The following ZNF487 variants were observed in gnomAD, a reference collection of about 807,000 sequenced individuals.
ZNF487 encodes the protein KRAB domain only 1.
In ZNF487, 4 loss-of-function variants were observed where a neutral mutation model predicts 3.0. That is an observed-to-expected ratio of 1.35 (90% confidence interval 0.66 to 3.08). ZNF487 has a LOEUF of 3.08. Among genes scored for constraint, ZNF487 ranks in the 30% most tolerant of loss-of-function variants. ZNF487 has a pLI of 0.01. For missense variants in ZNF487, 146 were observed against 98.7 expected (o/e 1.48, Z -2.03); for synonymous variants, 55 against 34.6 (o/e 1.59, Z -2.06).
At chr10:43,458,885 C>T (rs1840317188) in intron 1 of ZNF487, among the ~76,000 whole-genome samples, 1 of 152,054 alleles carries the variant, frequency 6.6e-6, no homozygotes, top group Admixed American at 6.6e-5. Flanking sequence ...ATTATGTCAC[C>T]TTCAGATACA....
the ZNF487 span, among the ~76,000 whole-genome samples, chr10:43,497,549 C>G: frequency 2.0e-5 from 3 of 152,190 alleles, no homozygotes; most frequent in Non-Finnish European, 4.4e-5. Context: ...GGCGCCTGCA[C>G]TAGCTCAGTA....
the ZNF487 span, among the ~76,000 whole-genome samples, chr10:43,521,368 A>G: frequency 1.3e-5 from 2 of 152,186 alleles, no homozygotes; most frequent in African/African-American, 4.8e-5. Flanking sequence ...CTCCACAGGC[A>G]CATCACAGCC....
At chr10:43,448,351 T>C (rs1315608207) in intron 1 of ZNF487, among the ~76,000 whole-genome samples, 1 of 152,174 alleles carries the variant, frequency 6.6e-6, no homozygotes, top group East Asian at 1.9e-4. Context: ...CAATATAACC[T>C]GGTCCCTGTT....
chr10:43,482,769 T>A lies in ZNF487; in HGVS notation c.*847T>A. 2.1e-6 allele frequency: 1 copy of A among 477,030 alleles called. No homozygotes were observed. Among genetic ancestry groups the A allele is most frequent in the Non-Finnish European group, 4.3e-6 (1 of 234,548 alleles). The allele number at this position is 477,030 out of a possible 1,614,324, so 29.5% of individuals were successfully genotyped here. A position where few individuals can be genotyped will look rare whatever the true frequency, so the allele number is the denominator to read the frequency against. Reference sequence around the variant, plus strand: ...CTTTGAATGCAATGAATGTCAAAAATCCTTCTCTGTGAAGTCAAAACTTAG... The same window carrying A: ...CTTTGAATGCAATGAATGTCAAAAAACCTTCTCTGTGAAGTCAAAACTTAG... On this transcript the variant is annotated 3_prime_UTR_variant, in exon 4 of 4. Transcript: ENST00000437590.
At chr10:43,497,693 C>A in the ZNF487 span, among the ~76,000 whole-genome samples, 4 of 152,008 alleles carry the variant, frequency 2.6e-5, no homozygotes, top group African/African-American at 9.7e-5. Flanking sequence ...ATAGGCTGGG[C>A]GCGGTGGCTC....
chr10:43,464,004 T>G (rs1460911705), intron 1 of ZNF487, among the ~76,000 whole-genome samples: 2 of 152,008 alleles, frequency 1.3e-5, no homozygotes, highest in African/African-American at 4.8e-5. Context: ...GTAACTACCC[T>G]GCAGTGGCCT....
the ZNF487 span, among the ~76,000 whole-genome samples, chr10:43,493,409 T>A: frequency 6.6e-6 from 1 of 152,066 alleles, no homozygotes; most frequent in Admixed American, 6.6e-5. Context: ...AAAATATGGC[T>A]AACAACCTGG....
intron 3 of ZNF487, among the ~76,000 whole-genome samples, chr10:43,477,392 G>A (rs1393775645): frequency 6.6e-6 from 1 of 151,574 alleles, no homozygotes; most frequent in Non-Finnish European, 1.5e-5. Context: ...ATGGGGTTTT[G>A]CCATGTTGGC....
chr10:43,466,363 TG>T (rs1282547839), intron 1 of ZNF487, among the ~76,000 whole-genome samples: 1 of 151,752 alleles, frequency 6.6e-6, no homozygotes, highest in Non-Finnish European at 1.5e-5. Context: ...GTTTATAGCA[TG>T]GTTTACTGAA....
Position 43,481,296 on chromosome 10 carries a change from A to G in ZNF487, c.131-133A>G, listed in dbSNP as rs183790675. On this transcript the variant is annotated intron_variant, in intron 3 of 3. Coordinates refer to ENST00000437590, the MANE Select transcript of ZNF487 (RefSeq NM_001355444.3). ...CAGTGAGCCATGATCACACCACTGC[A>G]CAATCCAGCCTGGGTGACAGAGCCA... 213 of 601,166 alleles carry G rather than the reference A, an allele frequency of 3.5e-4. No individual in the cohort carries two copies. The African/African-American group carries it at 3.7e-3, about 11-fold the overall frequency. 37.2% of individuals were successfully genotyped at this position (601,166 alleles called of 1,614,324 possible).
Position 43,481,990 on chromosome 10 carries a change from A to G in ZNF487, c.*68A>G, listed in dbSNP as rs1841382863. On this transcript the variant is annotated 3_prime_UTR_variant, in exon 4 of 4. Transcript: ENST00000437590. ...CATTGTTCATCAGAGAACTCACATA[A>G]GGAAGAGTCACCATGAATTCAATGA... 1 of 594,060 alleles carries G rather than the reference A, an allele frequency of 1.7e-6. No homozygotes were observed. The highest frequency in any genetic ancestry group is 3.0e-6 in the Non-Finnish European group (1 of 337,364). The allele number at this position is 594,060 out of a possible 1,614,324, so 36.8% of individuals were successfully genotyped here.
At chr10:43,512,861 GCA>G in the ZNF487 span, among the ~76,000 whole-genome samples, 1 of 67,440 alleles carries the variant, frequency 1.5e-5, no homozygotes, top group Non-Finnish European at 4.2e-5. Flanking sequence ...GGCCTACTAG[GCA>G]TTGTGCCTTT....
chr10:43,496,909 G>A, the ZNF487 span, among the ~76,000 whole-genome samples: 9 of 152,204 alleles, frequency 5.9e-5, no homozygotes, highest in African/African-American at 2.2e-4. Context: ...CATGTCATGG[G>A]GGAGTTTTAT....
chr10:43,499,866 C>T, the ZNF487 span, among the ~76,000 whole-genome samples: 1 of 151,886 alleles, frequency 6.6e-6, no homozygotes, highest in African/African-American at 2.4e-5. Context: ...TCTTTCTAAG[C>T]ACCAGTCATC....
the ZNF487 span, among the ~76,000 whole-genome samples, chr10:43,500,425 C>T: frequency 6.6e-6 from 1 of 151,282 alleles, no homozygotes; most frequent in Non-Finnish European, 1.5e-5. Context: ...GACCCTGTCT[C>T]AAAAAAACAA....
At chr10:43,445,348 A>AT (rs1839759246) in intron 1 of ZNF487, among the ~76,000 whole-genome samples, 1 of 152,098 alleles carries the variant, frequency 6.6e-6, no homozygotes. Flanking sequence ...TTCTCATTGT[A>AT]GGTCATGTTT....
chr10:43,488,538 T>A, the ZNF487 span, among the ~76,000 whole-genome samples: 1 of 152,028 alleles, frequency 6.6e-6, no homozygotes. Context: ...GGAAGCAAGG[T>A]AATAAAACAA....
At chr10:43,522,597 G>A in the ZNF487 span, among the ~76,000 whole-genome samples, 9 of 152,026 alleles carry the variant, frequency 5.9e-5, 1 homozygote, top group Non-Finnish European at 1.2e-4. Flanking sequence ...AGCCAGGCAC[G>A]GTGGCGGGTG....
chr10:43,499,321 C>T, the ZNF487 span, among the ~76,000 whole-genome samples: 1 of 152,068 alleles, frequency 6.6e-6, no homozygotes, highest in Non-Finnish European at 1.5e-5. Context: ...AATAAAGAAA[C>T]GGCCAGATAT....
Sources: allele counts gnomAD v4.1 joint callset (sites outside exome capture counted in the v4.1 genomes callset), GRCh38; gene constraint gnomAD v4.1.1; transcripts MANE v1.5; gene names NCBI Gene and HGNC (gene_info 2026-07-23, HGNC 2026-07-21).